TENM2: variants seen among roughly 807,000 people sequenced by gnomAD.
The protein encoded by TENM2 is teneurin-2.
TENM2 carries 52 observed loss-of-function variants against 245.2 expected under a neutral mutation model. The ratio of observed to expected loss-of-function variants is 0.21; its 90% CI spans 0.17 to 0.27. TENM2 has a LOEUF of 0.27. TENM2 is among the 10% of genes least tolerant of loss of function. The pLI, the probability that TENM2 is intolerant of heterozygous loss-of-function variation, is 1.00. For missense variants in TENM2, 3,046 were observed against 3,666.8 expected (o/e 0.83, Z 4.37); for synonymous variants, 1,363 against 1,438.9 (o/e 0.95, Z 1.19).
chr5:167,238,244 A>G, the TENM2 span, among the ~76,000 whole-genome samples: 6 of 152,278 alleles, frequency 3.9e-5, no homozygotes, highest in East Asian at 3.9e-4. Flanking sequence ...AGTTTTTAAC[A>G]TTAAATGATA....
At chr5:167,751,953 T>TACAC (rs111301552) in intron 2 of TENM2, among the ~76,000 whole-genome samples, 13,905 of 149,698 alleles carry the variant, frequency 0.093, 894 homozygotes, top group East Asian at 0.34. Context: ...GTGAAAATAA[T>TACAC]ACACACACAC....
intron 2 of TENM2, among the ~76,000 whole-genome samples, chr5:167,829,508 G>T (rs370601595): frequency 1.3e-5 from 2 of 152,296 alleles, no homozygotes; most frequent in South Asian, 2.1e-4. Context: ...TGTCAATTTC[G>T]TGGATCTCTA....
intron 3 of TENM2, among the ~76,000 whole-genome samples, chr5:167,934,038 C>T (rs943450771): frequency 2.0e-5 from 3 of 152,138 alleles, no homozygotes; most frequent in Admixed American, 6.6e-5. Context: ...ATGGCGAAGA[C>T]ATCTAGGATT....
chr5:167,819,806 T>G (rs1767360206), intron 2 of TENM2, among the ~76,000 whole-genome samples: 1 of 152,176 alleles, frequency 6.6e-6, no homozygotes, highest in African/African-American at 2.4e-5. Flanking sequence ...TTGCTCTACT[T>G]GGCTAAATCT....
chr5:167,198,690 G>A, the TENM2 span, among the ~76,000 whole-genome samples: 1 of 152,102 alleles, frequency 6.6e-6, no homozygotes, highest in East Asian at 1.9e-4. Context: ...GGTGAGGATG[G>A]GATGCAACTC....
intron 12 of TENM2, among the ~76,000 whole-genome samples, chr5:168,153,213 T>C (rs939910539): frequency 5.3e-5 from 8 of 151,772 alleles, no homozygotes; most frequent in Non-Finnish European, 1.2e-4. Flanking sequence ...ATCACCTGGG[T>C]AGCTTAAAAA....
chr5:167,386,720 T>C (rs1761451796), intron 2 of TENM2, among the ~76,000 whole-genome samples: 2 of 152,196 alleles, frequency 1.3e-5, no homozygotes, highest in African/African-American at 4.8e-5. Context: ...AGTTTCATTC[T>C]CCTACCTGTG....
chr5:167,377,404 G>A (rs181957395), intron 2 of TENM2, among the ~76,000 whole-genome samples: 106 of 152,284 alleles, frequency 7.0e-4, no homozygotes, highest in African/African-American at 2.4e-3. Flanking sequence ...AACTCTGTAT[G>A]TGAGTGTGGC....
intron 2 of TENM2, among the ~76,000 whole-genome samples, chr5:167,489,598 A>C (rs1196987588): frequency 1.3e-5 from 2 of 152,016 alleles, no homozygotes; most frequent in Non-Finnish European, 2.9e-5. Context: ...GTCACTTAGC[A>C]CCTTCTAAGA....
chr5:167,576,037 T>G (rs1003589770), intron 2 of TENM2, among the ~76,000 whole-genome samples: 3 of 152,230 alleles, frequency 2.0e-5, no homozygotes, highest in African/African-American at 7.2e-5. Flanking sequence ...ATATGTTGTC[T>G]GTATCATATA....
intron 2 of TENM2, among the ~76,000 whole-genome samples, chr5:167,389,209 T>C (rs1017570060): frequency 9.3e-5 from 14 of 150,720 alleles, no homozygotes; most frequent in African/African-American, 3.4e-4. Context: ...TAACATAGAA[T>C]TATGCAAAGC....
intron 2 of TENM2, among the ~76,000 whole-genome samples, chr5:167,420,875 G>T (rs1763466999): frequency 6.6e-6 from 1 of 152,120 alleles, no homozygotes; most frequent in Admixed American, 6.5e-5. Context: ...AGCCTGATAT[G>T]TTGCACACAC....
the TENM2 span, among the ~76,000 whole-genome samples, chr5:167,046,854 T>C: frequency 6.6e-6 from 1 of 151,914 alleles, no homozygotes; most frequent in Non-Finnish European, 1.5e-5. Flanking sequence ...CTCCCTCCCT[T>C]AGCCCCCCAC....
At chr5:167,088,647 A>T in the TENM2 span, among the ~76,000 whole-genome samples, 3 of 130,896 alleles carry the variant, frequency 2.3e-5, no homozygotes, top group East Asian at 6.0e-4. Context: ...CAAAAGAAAA[A>T]AGAAAAAAAA....
intron 2 of TENM2, among the ~76,000 whole-genome samples, chr5:167,505,910 G>A (rs1400476521): frequency 6.6e-6 from 1 of 152,128 alleles, no homozygotes; most frequent in Non-Finnish European, 1.5e-5. Context: ...ACTGAGCATG[G>A]TGGTTCACAC....
chr5:167,350,687 A>G (rs1002967714), intron 1 of TENM2, among the ~76,000 whole-genome samples: 4 of 146,400 alleles, frequency 2.7e-5, no homozygotes, highest in African/African-American at 1.0e-4. Flanking sequence ...GGATATATAT[A>G]TATGGGATAC....
chr5:167,450,619 A>G (rs1765518363), intron 2 of TENM2, among the ~76,000 whole-genome samples: 1 of 152,114 alleles, frequency 6.6e-6, no homozygotes, highest in Non-Finnish European at 1.5e-5. Flanking sequence ...GATGGTTCTA[A>G]GTTAGTTAAT....
the TENM2 span, among the ~76,000 whole-genome samples, chr5:167,279,167 C>A: frequency 0.088 from 13,460 of 152,230 alleles, 775 homozygotes; most frequent in East Asian, 0.18. Flanking sequence ...TTGCCCCTAT[C>A]GATCAGTTGT....
At chr5:167,687,480 T>C (rs1757151043) in intron 2 of TENM2, among the ~76,000 whole-genome samples, 1 of 152,150 alleles carries the variant, frequency 6.6e-6, no homozygotes, top group South Asian at 2.1e-4. Context: ...TGGGAAAAAC[T>C]ATTTATGTGG....
Sources: gnomAD v4.1 joint callset for allele counts (sites outside exome capture counted in the v4.1 genomes callset) on GRCh38, gnomAD v4.1.1 for gene constraint, MANE v1.5 for transcripts, NCBI Gene and HGNC (gene_info 2026-07-23, HGNC 2026-07-21) for gene names.